Variants in YAP1 observed in about 807,000 individuals in gnomAD.
The protein encoded by YAP1 is transcriptional coactivator YAP1.
A neutral mutation model predicts 56.9 loss-of-function variants in YAP1; 5 were observed. That is an observed-to-expected ratio of 0.09 (90% confidence interval 0.05 to 0.18). The LOEUF is 0.18. Ranked by LOEUF, YAP1 falls within the 10% of genes least tolerant of loss-of-function variation. YAP1 has a pLI of 1.00. For synonymous variants in YAP1, 265 were observed against 248.1 expected (o/e 1.07, Z -0.64); for missense variants, 539 against 651.8 (o/e 0.83, Z 1.88).
At position 102,110,620 on chromosome 11, in the gene YAP1, C is replaced by A. The variant is rs1942826975; in HGVS notation, c.-229C>A. On this transcript the variant is annotated 5_prime_UTR_variant, in exon 1 of 9. Transcript: ENST00000282441. ...CAGGTCCGAGTGCCTCGCAGCCCCT[C>A]CCGAGGCGCAGCCGCCAGACCAGTG... is the stretch of plus-strand genomic sequence containing the variant. The A allele has an allele frequency of 7.9e-6, 2 of 252,288 alleles. No homozygotes were observed. Among genetic ancestry groups the A allele is most frequent in the Non-Finnish European group, 1.4e-5 (2 of 139,212 alleles). 15.6% of individuals were successfully genotyped at this position (252,288 alleles called of 1,614,324 possible). A position where few individuals can be genotyped will look rare whatever the true frequency, so the allele number is the denominator to read the frequency against.
At chr11:102,187,978 A>G (rs1948069436) in intron 4 of YAP1, among the ~76,000 whole-genome samples, 1 of 152,212 alleles carries the variant, frequency 6.6e-6, no homozygotes, top group Non-Finnish European at 1.5e-5. Flanking sequence ...CCGACTTTTA[A>G]TCTGTTCCAG....
intron 2 of YAP1, among the ~76,000 whole-genome samples, chr11:102,127,306 G>A (rs1284010945): frequency 1.3e-5 from 2 of 152,204 alleles, no homozygotes; most frequent in Non-Finnish European, 2.9e-5. Context: ...GGAGGATATG[G>A]TTTTGTAGGC....
At chr11:102,162,610 C>T in intron 3 of YAP1, 39 bp downstream of exon 3, 1 of 1,572,112 alleles carries the variant, frequency 6.4e-7, no homozygotes, top group South Asian at 1.1e-5. Flanking sequence ...TGGAGTAATG[C>T]TTACGCATTG....
chr11:102,117,755 A>G (rs1943379842), intron 2 of YAP1, among the ~76,000 whole-genome samples: 1 of 152,232 alleles, frequency 6.6e-6, no homozygotes, highest in Non-Finnish European at 1.5e-5. Context: ...ATGAATGTGA[A>G]GTATGTAAAC....
intron 4 of YAP1, among the ~76,000 whole-genome samples, chr11:102,188,483 A>C (rs537796341): frequency 1.3e-5 from 2 of 152,330 alleles, no homozygotes; most frequent in East Asian, 1.9e-4. Context: ...TAGTAATTAC[A>C]CTTCATTTGC....
chr11:102,128,940 CT>C (rs1335178575), intron 2 of YAP1, among the ~76,000 whole-genome samples: 5 of 139,740 alleles, frequency 3.6e-5, no homozygotes, highest in African/African-American at 1.2e-4. Flanking sequence ...CCCTCTCTTC[CT>C]TTTTTACCTC....
chr11:102,132,417 A>AT (rs1450764486), intron 2 of YAP1, among the ~76,000 whole-genome samples: 9 of 152,148 alleles, frequency 5.9e-5, no homozygotes, highest in Non-Finnish European at 1.3e-4. Context: ...GACTTTGGGT[A>AT]TTTTTTTCAT....
chr11:102,215,229 G>A (rs1319367007), intron 6 of YAP1, among the ~76,000 whole-genome samples: 1 of 152,014 alleles, frequency 6.6e-6, no homozygotes, highest in Non-Finnish European at 1.5e-5. Context: ...CTATCACTAA[G>A]GCAAACTACT....
At chr11:102,204,557 ATG>A (rs1949028220) in intron 4 of YAP1, among the ~76,000 whole-genome samples, 1 of 152,182 alleles carries the variant, frequency 6.6e-6, no homozygotes, top group Admixed American at 6.5e-5. Context: ...AATGTATAGG[ATG>A]GGCCCAGCCT....
intron 6 of YAP1, 95 bp from the exon 7 acceptor site, chr11:102,223,527 T>C: frequency 7.4e-7 from 1 of 1,353,368 alleles, no homozygotes; most frequent in Non-Finnish European, 1.0e-6. Context: ...TTAATCTATC[T>C]GCACGGTTAC....
Position 102,110,614 on chromosome 11 carries a change from G to A in YAP1, c.-235G>A. 1 of 241,216 alleles carries A rather than the reference G, an allele frequency of 4.1e-6. No homozygotes were observed. The allele number at this position is 241,216 out of a possible 1,614,324, so 14.9% of individuals were successfully genotyped here. On this transcript the variant is annotated 5_prime_UTR_variant, in exon 1 of 9. Coordinates refer to ENST00000282441, the MANE Select transcript of YAP1 (RefSeq NM_001130145.3). ...GCGCCGCAGGTCCGAGTGCCTCGCA[G>A]CCCCTCCCGAGGCGCAGCCGCCAGA...
intron 2 of YAP1, among the ~76,000 whole-genome samples, chr11:102,156,041 G>T (rs1237749113): frequency 1.3e-5 from 2 of 149,726 alleles, no homozygotes; most frequent in East Asian, 2.0e-4. Flanking sequence ...CATCTTCACA[G>T]TTTTTTTTTT....
intron 2 of YAP1, among the ~76,000 whole-genome samples, chr11:102,124,819 T>A (rs1289337238): frequency 6.6e-6 from 1 of 152,144 alleles, no homozygotes; most frequent in Non-Finnish European, 1.5e-5. Context: ...TACTGCAACC[T>A]CTGCCCCTGG....
chr11:102,212,400 A>G (rs146176753), intron 6 of YAP1, among the ~76,000 whole-genome samples: 1 of 152,162 alleles, frequency 6.6e-6, no homozygotes, highest in Non-Finnish European at 1.5e-5. Flanking sequence ...AGGTTAATGA[A>G]AAATTCCAAG....
At chr11:102,179,004 T>C (rs1042408075) in intron 3 of YAP1, among the ~76,000 whole-genome samples, 2 of 152,080 alleles carry the variant, frequency 1.3e-5, no homozygotes, top group African/African-American at 2.4e-5. Flanking sequence ...AACTCACTTA[T>C]GACCAAGGGG....
At chr11:102,216,170 C>T (rs1361993190) in intron 6 of YAP1, among the ~76,000 whole-genome samples, 1 of 152,128 alleles carries the variant, frequency 6.6e-6, no homozygotes, top group African/African-American at 2.4e-5. Context: ...TGTCCTGCTT[C>T]TGGGGAGGAA....
chr11:102,220,606 A>G (rs1949879537), intron 6 of YAP1, among the ~76,000 whole-genome samples: 1 of 152,164 alleles, frequency 6.6e-6, no homozygotes, highest in Non-Finnish European at 1.5e-5. Flanking sequence ...AGAAAAAAAA[A>G]TAAGATACCA....
At chr11:102,148,780 A>T (rs1311329450) in intron 2 of YAP1, among the ~76,000 whole-genome samples, 2 of 152,156 alleles carry the variant, frequency 1.3e-5, no homozygotes, top group Non-Finnish European at 2.9e-5. Flanking sequence ...TTTTTATTGC[A>T]CATGTAGAGA....
At chr11:102,140,980 C>A (rs1271819769) in intron 2 of YAP1, among the ~76,000 whole-genome samples, 1 of 152,110 alleles carries the variant, frequency 6.6e-6, no homozygotes, top group Non-Finnish European at 1.5e-5. Context: ...AAATTGAGGA[C>A]ATTTCTATTT....
Sources: allele counts gnomAD v4.1 joint callset (sites outside exome capture counted in the v4.1 genomes callset), GRCh38; gene constraint gnomAD v4.1.1; transcripts MANE v1.5; gene names NCBI Gene and HGNC (gene_info 2026-07-23, HGNC 2026-07-21).